Variants in CSMD3 observed in about 807,000 individuals in gnomAD.
The protein encoded by CSMD3 is CUB and sushi domain-containing protein 3.
CSMD3 carries 177 observed loss-of-function variants against 435.2 expected under a neutral mutation model. The observed-to-expected ratio is 0.41, with a 90% CI of 0.36 to 0.46. The LOEUF (loss-of-function observed/expected upper bound fraction) is 0.46. Ranked by LOEUF, CSMD3 falls within the 20% of genes least tolerant of loss-of-function variation. CSMD3 has a pLI of 0.34. For synonymous variants in CSMD3, 1,656 were observed against 1,520.5 expected, an observed-to-expected ratio of 1.09 and a Z score of -2.07; for missense variants, 4,265 against 4,504.6, an observed-to-expected ratio of 0.95 and a Z score of 1.52.
At position 112,520,230 on chromosome 8, in the gene CSMD3, A is replaced by T. The variant is rs552357219; in HGVS notation, c.4565-3005T>A. On this transcript the variant is annotated intron_variant, in intron 27 of 70. Coordinates refer to ENST00000297405, the MANE Select transcript of CSMD3 (RefSeq NM_198123.2). ...GATAATAGCAATAATTACTCTCTGTATTTAGAGCATATAGCATGCAAAGCA... is the reference window on the plus strand; with the variant it reads ...GATAATAGCAATAATTACTCTCTGTTTTTAGAGCATATAGCATGCAAAGCA... 1.3e-4 allele frequency among the ~76,000 whole-genome samples: 20 copies of T among 152,208 alleles called. No homozygotes were observed. The Middle Eastern group carries it at 0.017, about 129-fold the overall frequency.
At chr8:112,958,851 G>A (rs1289665343) in intron 7 of CSMD3, among the ~76,000 whole-genome samples, 1 of 152,050 alleles carries the variant, frequency 6.6e-6, no homozygotes, top group Non-Finnish European at 1.5e-5. Context: ...AAATAGATTG[G>A]GAAGTACTAT....
At chr8:113,374,832 AAAAAAAAAAAAAAAAC>A (rs1588623081) in intron 1 of CSMD3, among the ~76,000 whole-genome samples, 1 of 118,202 alleles carries the variant, frequency 8.5e-6, no homozygotes, top group Non-Finnish European at 1.8e-5. Context: ...AAAAAAAAAA[AAAAAAAAAAAAAAAAC>A]CAATAAAATG....
At chr8:112,947,011 T>C (rs576251973) in intron 9 of CSMD3, among the ~76,000 whole-genome samples, 2 of 151,778 alleles carry the variant, frequency 1.3e-5, no homozygotes, top group East Asian at 3.9e-4. Flanking sequence ...AAAAAATATG[T>C]GGTATCTGTA....
chr8:112,429,030 T>C (rs1813381498), intron 32 of CSMD3, among the ~76,000 whole-genome samples: 2 of 152,104 alleles, frequency 1.3e-5, no homozygotes, highest in African/African-American at 4.8e-5. Context: ...CCTCACAAAG[T>C]TGTCATTTTT....
chr8:112,825,450 C>A (rs933791574), intron 12 of CSMD3, among the ~76,000 whole-genome samples: 1 of 152,106 alleles, frequency 6.6e-6, no homozygotes, highest in East Asian at 1.9e-4. Context: ...TTCTCACATT[C>A]ATGACTTTGT....
intron 2 of CSMD3, among the ~76,000 whole-genome samples, chr8:113,298,316 A>C (rs1003739334): frequency 2.0e-5 from 3 of 152,084 alleles, no homozygotes; most frequent in African/African-American, 7.2e-5. Flanking sequence ...TAACCTAAAT[A>C]AGGTTTTTTT....
At chr8:112,514,799 T>C (rs1823503410) in intron 28 of CSMD3, among the ~76,000 whole-genome samples, 1 of 152,062 alleles carries the variant, frequency 6.6e-6, no homozygotes, top group Non-Finnish European at 1.5e-5. Flanking sequence ...TTCTAAGAAG[T>C]TCAGGGTTTA....
chr8:112,547,844 T>G (rs2131173910), intron 27 of CSMD3, among the ~76,000 whole-genome samples: 1 of 152,184 alleles, frequency 6.6e-6, no homozygotes, highest in East Asian at 1.9e-4. Flanking sequence ...AAGATGAGTT[T>G]GAGAATTAAT....
Position 112,638,916 on chromosome 8 carries a change from T to G in CSMD3, c.3311-5A>C. On this transcript the variant is annotated splice_polypyrimidine_tract_variant and splice_region_variant and intron_variant, in intron 20 of 70. Transcript: ENST00000297405. Reference sequence around the variant, plus strand: ...TGTGGAAGTTGAACTGCACACCTATTAAGAAAAATAGAAACACTGAATTTA... The same window carrying G: ...TGTGGAAGTTGAACTGCACACCTATGAAGAAAAATAGAAACACTGAATTTA... 1 of 1,585,972 alleles carries G rather than the reference T, an allele frequency of 6.3e-7. No individual in the cohort carries two copies. The highest frequency in any genetic ancestry group is 8.7e-7 in the Non-Finnish European group (1 of 1,154,906).
At chr8:112,409,696 T>C (rs1406097517) in intron 32 of CSMD3, among the ~76,000 whole-genome samples, 1 of 152,036 alleles carries the variant, frequency 6.6e-6, no homozygotes, top group Non-Finnish European at 1.5e-5. Flanking sequence ...AGTACAGTTC[T>C]GAAGTACATA....
intron 5 of CSMD3, among the ~76,000 whole-genome samples, chr8:113,064,790 T>G (rs1372185841): frequency 6.6e-6 from 1 of 152,186 alleles, no homozygotes; most frequent in South Asian, 2.1e-4. Flanking sequence ...TCTTTTCTTT[T>G]ATTTATTTTG....
chr8:112,812,890 T>C (rs998392996), intron 12 of CSMD3, among the ~76,000 whole-genome samples: 3 of 152,166 alleles, frequency 2.0e-5, no homozygotes, highest in African/African-American at 7.2e-5. Context: ...AAATAGTATA[T>C]AAAATAAAGA....
intron 31 of CSMD3, among the ~76,000 whole-genome samples, chr8:112,484,202 C>T (rs1024320517): frequency 2.0e-5 from 3 of 152,080 alleles, no homozygotes; most frequent in African/African-American, 7.2e-5. Context: ...TATATTTTCT[C>T]TAGACTTTAA....
chr8:112,770,529 A>G (rs1350397977), intron 13 of CSMD3, among the ~76,000 whole-genome samples: 1 of 151,960 alleles, frequency 6.6e-6, no homozygotes, highest in African/African-American at 2.4e-5. Flanking sequence ...TTCTGTTACA[A>G]CAGTACAGAA....
At chr8:113,096,441 C>G (rs1381179803) in intron 5 of CSMD3, among the ~76,000 whole-genome samples, 1 of 152,068 alleles carries the variant, frequency 6.6e-6, no homozygotes, top group African/African-American at 2.4e-5. Context: ...TTAGCCTCAC[C>G]TCCACTGCTA....
intron 5 of CSMD3, among the ~76,000 whole-genome samples, chr8:113,041,201 G>A (rs1444139161): frequency 2.9e-5 from 3 of 104,924 alleles, no homozygotes; most frequent in African/African-American, 3.8e-5. Flanking sequence ...GTGAGACTCC[G>A]TCTTAAAAAA....
intron 48 of CSMD3, 28 bp from the exon 49 acceptor site, chr8:112,314,080 A>G (rs749951276): frequency 2.4e-5 from 37 of 1,524,398 alleles, no homozygotes; most frequent in Non-Finnish European, 2.3e-5. Context: ...AACAATTTAG[A>G]TAAAGCTAAT....
At chr8:113,297,364 T>C (rs2132562303) in intron 2 of CSMD3, among the ~76,000 whole-genome samples, 1 of 152,130 alleles carries the variant, frequency 6.6e-6, no homozygotes, top group East Asian at 1.9e-4. Flanking sequence ...TACTTGGAAT[T>C]TGATGGAAAC....
intron 3 of CSMD3, among the ~76,000 whole-genome samples, chr8:113,175,822 C>G (rs2092338974): frequency 3.3e-5 from 5 of 151,952 alleles, no homozygotes; most frequent in Admixed American, 3.3e-4. Flanking sequence ...CTTCCACCCT[C>G]TAAAAAATAA....
Sources: gnomAD v4.1 joint callset for allele counts (sites outside exome capture counted in the v4.1 genomes callset) on GRCh38, gnomAD v4.1.1 for gene constraint, MANE v1.5 for transcripts, NCBI Gene and HGNC (gene_info 2026-07-23, HGNC 2026-07-21) for gene names.